MOV10L1: variants seen among roughly 807,000 people sequenced by gnomAD.
The protein encoded by MOV10L1 is RNA helicase Mov10l1.
MOV10L1 carries 110 observed loss-of-function variants against 143.8 expected under a neutral mutation model. That is an observed-to-expected ratio of 0.76 (90% CI 0.66 to 0.90). The LOEUF (loss-of-function observed/expected upper bound fraction) is 0.90, where lower values mean the gene tolerates loss of function less well. Ranked by LOEUF, MOV10L1 falls within the 40% of genes least tolerant of loss-of-function variation. MOV10L1 has a pLI of 0.00. For synonymous variants in MOV10L1, 593 were observed against 581.1 expected, an observed-to-expected ratio of 1.02 and a Z score of -0.29; for missense variants, 1,406 against 1,526.8, an observed-to-expected ratio of 0.92 and a Z score of 1.32.
intron 7 of MOV10L1, 24 bp downstream of exon 7, chr22:50,114,646 T>A (rs755797933): frequency 6.2e-7 from 1 of 1,610,770 alleles, no homozygotes; most frequent in Non-Finnish European, 8.5e-7. Flanking sequence ...CGGCTGTCAC[T>A]GCGTGAGGTC....
chr22:50,144,749 T>C (rs978913026), intron 18 of MOV10L1, among the ~76,000 whole-genome samples: 3 of 151,904 alleles, frequency 2.0e-5, no homozygotes, highest in Admixed American at 1.3e-4. Context: ...GCCCGGCTAA[T>C]TTTTTGTATT....
chr22:50,113,841 C>A, intron 6 of MOV10L1, 53 bp downstream of exon 6: 1 of 1,397,438 alleles, frequency 7.2e-7, no homozygotes, highest in Non-Finnish European at 9.4e-7. Flanking sequence ...GGCTTTTACA[C>A]TATGACTCAA....
At chr22:50,118,717 T>C (rs1157806429) in intron 9 of MOV10L1, among the ~76,000 whole-genome samples, 2 of 152,208 alleles carry the variant, frequency 1.3e-5, no homozygotes, top group East Asian at 1.9e-4. Flanking sequence ...ATGGGTCACA[T>C]GTGCCAGTTC....
chr22:50,115,045 A>C (rs2062133264), intron 7 of MOV10L1, 69 bp from the exon 8 acceptor site: 1 of 1,478,800 alleles, frequency 6.8e-7, no homozygotes, highest in African/African-American at 1.4e-5. Context: ...CATTTCCACT[A>C]AGCATGCCAG....
chr22:50,106,902 T>C (rs945007264), intron 3 of MOV10L1, among the ~76,000 whole-genome samples: 25 of 148,216 alleles, frequency 1.7e-4, no homozygotes, highest in African/African-American at 5.0e-4. Flanking sequence ...GGGGTTTCAC[T>C]GTGTTAACCA....
At position 50,108,404 on chromosome 22, in the gene MOV10L1, T is replaced by C. The variant is rs1320278715; in HGVS notation, c.555+156T>C. 4 of 817,316 alleles carry C rather than the reference T, an allele frequency of 4.9e-6. No homozygotes were observed. In the South Asian group the frequency reaches 5.8e-5, roughly 12 times the overall value. 50.6% of individuals were successfully genotyped at this position (817,316 alleles called of 1,614,324 possible). ...GAGTGTGTTTTCCTATTGACAATGCTGTGTTTCGTTTGGAAACAATAACTC... is the reference window on the plus strand; with the variant it reads ...GAGTGTGTTTTCCTATTGACAATGCCGTGTTTCGTTTGGAAACAATAACTC... On this transcript the variant is annotated intron_variant, in intron 4 of 26. Coordinates refer to ENST00000262794, the MANE Select transcript of MOV10L1 (RefSeq NM_018995.3).
intron 15 of MOV10L1, among the ~76,000 whole-genome samples, chr22:50,138,241 T>C (rs1378234199): frequency 6.6e-6 from 1 of 152,138 alleles, no homozygotes; most frequent in African/African-American, 2.4e-5. Context: ...AGACAGGCAA[T>C]GAAGCAGAAA....
chr22:50,128,437 CTT>C lies in MOV10L1; in HGVS notation c.1841_1842del (p.Leu614GlnfsTer3). On this transcript the variant is annotated frameshift_variant, in exon 13 of 27. Coordinates refer to ENST00000262794, the MANE Select transcript of MOV10L1 (RefSeq NM_018995.3). LOFTEE classifies it high-confidence loss of function. ...VTEIHEEDVT[L>X]KINPEFEQAY... The stretch of plus-strand genomic sequence containing the variant: ...TTAGATTCATGAAGAAGATGTAACT[CTT>C]AAAATTAATCCAGAATTTGAACAAG... 1 of 1,533,244 alleles carries C rather than the reference CTT, an allele frequency of 6.5e-7. No individual in the cohort carries two copies. Among genetic ancestry groups the C allele is most frequent in the Non-Finnish European group, 9.0e-7 (1 of 1,114,718 alleles). 95.0% of individuals were successfully genotyped at this position (1,533,244 alleles called of 1,614,324 possible).
chr22:50,156,138 A>G (rs2063422718), intron 22 of MOV10L1, among the ~76,000 whole-genome samples: 3 of 150,656 alleles, frequency 2.0e-5, no homozygotes, highest in South Asian at 2.1e-4. Context: ...TTTTTTAGAC[A>G]GTTGTCTCAC....
chr22:50,091,958 T>C (rs1317210915), intron 1 of MOV10L1, 43 bp from the exon 2 acceptor site: 1 of 1,587,844 alleles, frequency 6.3e-7, no homozygotes, highest in African/African-American at 1.3e-5. Context: ...TAGCGTACGC[T>C]TGCTTTTATG....
intron 15 of MOV10L1, among the ~76,000 whole-genome samples, chr22:50,140,641 T>C (rs571099630): frequency 6.6e-6 from 1 of 152,232 alleles, no homozygotes; most frequent in Non-Finnish European, 1.5e-5. Flanking sequence ...AGAGCCATCC[T>C]AGGCTGTATA....
At chr22:50,139,975 C>T (rs1044454981) in intron 15 of MOV10L1, among the ~76,000 whole-genome samples, 3 of 152,152 alleles carry the variant, frequency 2.0e-5, no homozygotes, top group Non-Finnish European at 4.4e-5. Flanking sequence ...GCCATACAAC[C>T]CAGCCATTTC....
Position 50,142,231 on chromosome 22 carries a change from C to T in MOV10L1, c.2179+42C>T, listed in dbSNP as rs373947733. ...GGCAAGGAGAAGAGCAACTCTGAGA[C>T]TGTCGCCTGGAAAACGGGGACTTTG... is the stretch of plus-strand genomic sequence containing the variant. On this transcript the variant is annotated intron_variant, in intron 16 of 26. Coordinates refer to ENST00000262794, the MANE Select transcript of MOV10L1 (RefSeq NM_018995.3). 6.6e-6 allele frequency: 10 copies of T among 1,524,166 alleles called. No homozygotes were observed. In the African/African-American group the frequency reaches 1.4e-4, roughly 21 times the overall value. The allele number at this position is 1,524,166 out of a possible 1,614,324, so 94.4% of individuals were successfully genotyped here.
In MOV10L1 at chr22:50,108,264, G is replaced by A; in HGVS notation, c.555+16G>A. On this transcript the variant is annotated intron_variant, in intron 4 of 26. Transcript: ENST00000262794. Reference sequence around the variant, plus strand: ...CGTGGACAAGGTAGCGTGCCGACTAGTGGCTCCTCTCTGTGCTTCTGGCAG... The same window carrying A: ...CGTGGACAAGGTAGCGTGCCGACTAATGGCTCCTCTCTGTGCTTCTGGCAG... 2 of 1,600,606 alleles carry A rather than the reference G, an allele frequency of 1.2e-6. No individual in the cohort carries two copies. Among genetic ancestry groups the A allele is most frequent in the Non-Finnish European group, 1.7e-6 (2 of 1,172,428 alleles).
Position 50,158,316 on chromosome 22 carries a change from T to C in MOV10L1, c.3216+110T>C. ...AAGCTCCTTGTGAGCAGCAGCAGGT[T>C]TTTAAAGGGGCAGGACCGCACTTGA... On this transcript the variant is annotated intron_variant, in intron 23 of 26. Transcript: ENST00000262794. This position sits in a 1 kb window ranked among gnomAD's most constrained non-coding sequence, Gnocchi z 5.0. 1.5e-6 allele frequency: 2 copies of C among 1,375,278 alleles called. No individual in the cohort carries two copies. Among genetic ancestry groups the C allele is most frequent in the Non-Finnish European group, 2.0e-6 (2 of 1,005,398 alleles). The allele number at this position is 1,375,278 out of a possible 1,614,324, so 85.2% of individuals were successfully genotyped here. A position where few individuals can be genotyped will look rare whatever the true frequency, so the allele number is the denominator to read the frequency against.
chr22:50,131,058 G>A (rs777284313), intron 13 of MOV10L1, among the ~76,000 whole-genome samples: 5 of 127,970 alleles, frequency 3.9e-5, no homozygotes, highest in Admixed American at 8.7e-5. Flanking sequence ...CACCACGCCC[G>A]GCTAATTTTT....
Position 50,125,370 on chromosome 22 carries a change from A to G in MOV10L1, c.1570-22A>G, listed in dbSNP as rs1484586097. On this transcript the variant is annotated intron_variant, in intron 10 of 26. Transcript: ENST00000262794. Reference sequence around the variant, plus strand: ...GTGCTGCTGAGCTGTTGCTGACTTTATAACATTTGGGTGTTTTCCAGCTTC... The same window carrying G: ...GTGCTGCTGAGCTGTTGCTGACTTTGTAACATTTGGGTGTTTTCCAGCTTC... 7 of 1,611,654 alleles carry G rather than the reference A, an allele frequency of 4.3e-6. No individual in the cohort carries two copies. The Admixed American group carries it at 1.0e-4, about 23-fold the overall frequency.
intron 17 of MOV10L1, among the ~76,000 whole-genome samples, chr22:50,143,766 T>G (rs2063056517): frequency 6.6e-6 from 1 of 152,194 alleles, no homozygotes; most frequent in South Asian, 2.1e-4. Flanking sequence ...CCATCTACAT[T>G]TAGCGTCATT....
rs145520453 is a variant in MOV10L1 at position 50,128,420 on chromosome 22, A to G, written c.1823A>G (p.His608Arg). 351 of 1,468,298 alleles carry G rather than the reference A, an allele frequency of 2.4e-4. 2 individuals carry two copies. The African/African-American group carries it at 4.4e-3, about 18-fold the overall frequency. The allele number at this position is 1,468,298 out of a possible 1,614,324, so 91.0% of individuals were successfully genotyped here. The change falls in exon 13 of 27, where the codon CAT (histidine) becomes CGT (arginine). Residue 608 changes from histidine (H) to arginine (R), a missense_variant. This residue lies in a region of MOV10L1 where 1,233 missense variants were observed against 1,351.4 expected (regional missense o/e 0.91). Transcript: ENST00000262794. ...TATTGTTTGTTCCTTTTTTAGATTC[A>G]TGAAGAAGATGTAACTCTTAAAATT... ...IEYISYVTEI[H>R]EEDVTLKINP...
Sources: gnomAD v4.1 joint callset for allele counts (sites outside exome capture counted in the v4.1 genomes callset) on GRCh38, gnomAD v4.1.1 for gene constraint, gnomAD v4.1.1 regional missense constraint, Gnocchi (gnomAD v3.1) non-coding constraint, MANE v1.5 for transcripts, NCBI Gene and HGNC (gene_info 2026-07-23, HGNC 2026-07-21) for gene names.